ZGRF1: variants seen among roughly 807,000 people sequenced by gnomAD.
ZGRF1 encodes 5'-3' DNA helicase ZGRF1.
ZGRF1 carries 196 observed loss-of-function variants against 203.5 expected under a neutral mutation model. The observed-to-expected ratio is 0.96, with a 90% CI of 0.86 to 1.08. The LOEUF is 1.08. Ranked by LOEUF, ZGRF1 falls within the 50% of genes least tolerant of loss-of-function variation. The pLI, the probability that ZGRF1 is intolerant of heterozygous loss-of-function variation, is 0.00. For synonymous variants in ZGRF1, 809 were observed against 841.3 expected, an observed-to-expected ratio of 0.96 and a Z score of 0.66; for missense variants, 2,326 against 2,416.3, an observed-to-expected ratio of 0.96 and a Z score of 0.78.
Position 112,585,719 on chromosome 4 carries a change from A to T in ZGRF1, c.3923T>A (p.Leu1308Gln). Residue 1308 changes from leucine to glutamine, a missense_variant, in exon 14 of 28, where the codon CTA (leucine) becomes CAA (glutamine). Leu to Gln is a moderately radical substitution (Grantham distance 113). Coordinates refer to ENST00000505019, the MANE Select transcript of ZGRF1 (RefSeq NM_018392.5). Reference sequence around the variant, plus strand: ...TGCTAACCCAAACAGCAATATATTTAGATGTTCTACAAAAAAAAAAAAAAG... The same window carrying T: ...TGCTAACCCAAACAGCAATATATTTTGATGTTCTACAAAAAAAAAAAAAAG... ...QTFTSCLIEH[L>Q]NILLFGLAQN... 1 of 1,526,902 alleles carries T rather than the reference A, an allele frequency of 6.5e-7. No individual in the cohort carries two copies. The highest frequency in any genetic ancestry group is 8.8e-7 in the Non-Finnish European group (1 of 1,142,480). The allele number at this position is 1,526,902 out of a possible 1,614,324, so 94.6% of individuals were successfully genotyped here. A position where few individuals can be genotyped will look rare whatever the true frequency, so the allele number is the denominator to read the frequency against.
chr4:112,573,167 T>TACAC (rs145611842), intron 16 of ZGRF1, among the ~76,000 whole-genome samples: 33,822 of 145,420 alleles, frequency 0.23, 4,346 homozygotes, highest in Middle Eastern at 0.31. Flanking sequence ...GAAATTGTGA[T>TACAC]ACACACACAC....
chr4:112,598,869 G>A (rs1490487732), intron 10 of ZGRF1, among the ~76,000 whole-genome samples: 1 of 151,934 alleles, frequency 6.6e-6, no homozygotes. Flanking sequence ...TGGGCAACAT[G>A]GTAAAACCCT....
At position 112,547,330 on chromosome 4, in the gene ZGRF1, AT is replaced by A. The variant is rs955573928; in HGVS notation, c.5552del (p.His1851LeufsTer15). 2.5e-6 allele frequency: 4 copies of A among 1,613,640 alleles called. No individual in the cohort carries two copies. Among genetic ancestry groups the A allele is most frequent in the African/African-American group, 1.3e-5 (1 of 74,922 alleles). On this transcript the variant is annotated frameshift_variant, in exon 24 of 28. Transcript: ENST00000505019. LOFTEE classifies it high-confidence loss of function. ...PPTIQGSDAA[H>X]ENGLEQTLFD... Reference sequence around the variant, plus strand: ...AAAGAGTTTGTTCCAATCCATTTTCATGAGCTGCATCAGAACCCTGAATAGT... The same window carrying A: ...AAAGAGTTTGTTCCAATCCATTTTCAGAGCTGCATCAGAACCCTGAATAGT...
chr4:112,636,664 C>G (rs1422158962), intron 1 of ZGRF1, 187 bp downstream of exon 1: 1 of 152,164 alleles, frequency 6.6e-6, no homozygotes, highest in Admixed American at 6.6e-5. Context: ...AAAGCAAGGC[C>G]TGGGAAAAAC....
At chr4:112,605,453 G>A (rs1750632550) in intron 9 of ZGRF1, 1 of 152,424 alleles carries the variant, frequency 6.6e-6, no homozygotes, top group South Asian at 2.1e-4. Flanking sequence ...GAGTCACCAT[G>A]CCTGGCCAAA....
At chr4:112,603,282 T>C (rs1443978511) in intron 10 of ZGRF1, among the ~76,000 whole-genome samples, 4 of 152,206 alleles carry the variant, frequency 2.6e-5, no homozygotes, top group Admixed American at 1.3e-4. Context: ...TTTGCTTTTG[T>C]CATGAATTTA....
chr4:112,567,290 T>A (rs752475551), intron 16 of ZGRF1, among the ~76,000 whole-genome samples: 6 of 151,020 alleles, frequency 4.0e-5, no homozygotes, highest in African/African-American at 7.3e-5. Flanking sequence ...GAAAAGCTCA[T>A]AACGCCAGGG....
At chr4:112,555,539 C>T (rs1740776760) in intron 20 of ZGRF1, among the ~76,000 whole-genome samples, 1 of 151,422 alleles carries the variant, frequency 6.6e-6, no homozygotes, top group Non-Finnish European at 1.5e-5. Context: ...ACATTTTTCA[C>T]AGTCTTCACC....
Position 112,540,857 on chromosome 4 carries a change from A to C in ZGRF1, c.5874T>G (p.Ile1958Met). 1 of 1,595,678 alleles carries C rather than the reference A, an allele frequency of 6.3e-7. No individual in the cohort carries two copies. The highest frequency in any genetic ancestry group is 8.5e-7 in the Non-Finnish European group (1 of 1,169,918). The change falls in exon 26 of 28, where the codon ATT (isoleucine) becomes ATG (methionine). Residue 1958 changes from isoleucine (I) to methionine (M), a missense_variant. Physicochemically the swap from Ile to Met is conservative, Grantham distance 10. Coordinates refer to ENST00000505019, the MANE Select transcript of ZGRF1 (RefSeq NM_018392.5). ...LIASGIAGSMIGVITLYKSQM... is the reference protein window; with the variant it reads ...LIASGIAGSMMGVITLYKSQM... ...GGGATTTGTATAATGTTATCACACC[A>C]ATCATAGAGCCTGCTATTCCACTTG...
intron 9 of ZGRF1, among the ~76,000 whole-genome samples, chr4:112,605,150 T>C (rs1265643315): frequency 6.6e-6 from 1 of 151,720 alleles, no homozygotes; most frequent in African/African-American, 2.4e-5. Flanking sequence ...AGGAAACAGG[T>C]ACATTACCTC....
chr4:112,579,625 A>G (rs1438880423), intron 16 of ZGRF1, among the ~76,000 whole-genome samples: 1 of 121,480 alleles, frequency 8.2e-6, no homozygotes, highest in African/African-American at 2.9e-5. Flanking sequence ...TTATACACCA[A>G]TAACAGACAA....
intron 3 of ZGRF1, among the ~76,000 whole-genome samples, chr4:112,630,939 C>T (rs1459464260): frequency 9.9e-5 from 15 of 151,844 alleles, no homozygotes; most frequent in Non-Finnish European, 2.2e-4. Context: ...GGACATGGGC[C>T]CTGGGGACAA....
chr4:112,547,612 C>A (rs1407147596), intron 23 of ZGRF1, among the ~76,000 whole-genome samples: 1 of 152,156 alleles, frequency 6.6e-6, no homozygotes, highest in East Asian at 1.9e-4. Context: ...AATTTAGTTG[C>A]CCTCCCTGCA....
chr4:112,619,178 T>G lies in ZGRF1; in HGVS notation c.864A>C (p.Lys288Asn). ...FPQKQPQGSL[K>N]IATKPKYLIQ... ...TTAGGTACTTTGGTTTAGTAGCAAT[T>G]TTTAAACTTCCTTGTGGTTGTTTTT... The change falls in exon 6 of 28, where the codon AAA becomes AAC. Residue 288 changes from lysine to asparagine, a missense_variant. Coordinates refer to ENST00000505019, the MANE Select transcript of ZGRF1 (RefSeq NM_018392.5). The G allele has an allele frequency of 6.2e-7, 1 of 1,613,568 alleles. No homozygotes were observed. Among genetic ancestry groups the G allele is most frequent in the Non-Finnish European group, 8.5e-7 (1 of 1,179,976 alleles).
chr4:112,622,808 CAG>C (rs1164260685), intron 4 of ZGRF1, among the ~76,000 whole-genome samples: 3 of 152,052 alleles, frequency 2.0e-5, no homozygotes, highest in Non-Finnish European at 4.4e-5. Flanking sequence ...ATGTATTTGA[CAG>C]AATATTTATG....
At chr4:112,597,966 T>A (rs1749321154) in intron 10 of ZGRF1, among the ~76,000 whole-genome samples, 1 of 149,880 alleles carries the variant, frequency 6.7e-6, no homozygotes, top group Non-Finnish European at 1.5e-5. Context: ...TAAGTCAAAC[T>A]ATCAATCAAG....
rs939179332 is a variant in ZGRF1 at position 112,589,791 on chromosome 4, T to C, written c.3060A>G (p.Val1020=). Residue 1020 remains valine (V), a synonymous_variant, in exon 11 of 28, where the codon GTA becomes GTG. Coordinates refer to ENST00000505019, the MANE Select transcript of ZGRF1 (RefSeq NM_018392.5). ...CTTTCAGGGACGTCTCAGAGAATTC[T>C]ACCATGAAGTCTTCATCTCTTGAGT... ...SLNSRDEDFM[V]EFSETSLKAR... The C allele has an allele frequency of 4.3e-6, 7 of 1,613,260 alleles. No homozygotes were observed. Among genetic ancestry groups the C allele is most frequent in the Non-Finnish European group, 5.9e-6 (7 of 1,179,420 alleles).
At chr4:112,570,331 G>A (rs971989044) in intron 16 of ZGRF1, among the ~76,000 whole-genome samples, 1 of 152,192 alleles carries the variant, frequency 6.6e-6, no homozygotes, top group African/African-American at 2.4e-5. Flanking sequence ...GCTCACGCCT[G>A]TAATCCTAGC....
chr4:112,563,065 A>T, intron 17 of ZGRF1, 66 bp downstream of exon 17: 1 of 1,371,804 alleles, frequency 7.3e-7, no homozygotes, highest in Non-Finnish European at 9.8e-7. Context: ...GGCTTTAATC[A>T]AACAGTGCAT....
Sources: allele counts gnomAD v4.1 joint callset (sites outside exome capture counted in the v4.1 genomes callset), GRCh38; gene constraint gnomAD v4.1.1; transcripts MANE v1.5; gene names NCBI Gene and HGNC (gene_info 2026-07-23, HGNC 2026-07-21).